RFFL: variants seen among roughly 807,000 people sequenced by gnomAD.
RFFL encodes E3 ubiquitin-protein ligase rififylin.
Under a neutral mutation model 40.4 loss-of-function variants are expected in RFFL, and 16 were observed. That is an observed-to-expected ratio of 0.40 (90% CI 0.27 to 0.60). RFFL has a LOEUF of 0.60. Among genes scored for constraint, RFFL ranks in the 20% least tolerant of loss-of-function variants. RFFL has a pLI of 0.47. For missense variants in RFFL, 367 were observed against 451.7 expected (o/e 0.81, Z 1.70); for synonymous variants, 154 against 167.9 (o/e 0.92, Z 0.64).
At chr17:35,058,597 C>T (rs1409176267) in intron 1 of RFFL, among the ~76,000 whole-genome samples, 1 of 151,970 alleles carries the variant, frequency 6.6e-6, no homozygotes, top group East Asian at 1.9e-4. Flanking sequence ...ATGGTGAAAC[C>T]CCGTATCTAC....
intron 1 of RFFL, among the ~76,000 whole-genome samples, chr17:35,031,730 CT>C (rs1017866474): frequency 1.1e-4 from 17 of 151,924 alleles, no homozygotes; most frequent in Admixed American, 6.6e-5. Context: ...GTAACTGGGA[CT>C]TTACCAGAAA....
chr17:35,085,287 T>C (rs1362244759), intron 1 of RFFL, among the ~76,000 whole-genome samples: 2 of 152,250 alleles, frequency 1.3e-5, no homozygotes, highest in African/African-American at 4.8e-5. Flanking sequence ...GGTTATCATT[T>C]ACTACCAGTC....
chr17:35,026,203 T>C (rs2091039450), intron 2 of RFFL, among the ~76,000 whole-genome samples, 171 bp downstream of exon 2: 2 of 152,274 alleles, frequency 1.3e-5, no homozygotes, highest in Admixed American at 1.3e-4. Context: ...CATGCTTTGC[T>C]TTTGCTTTTA....
intron 1 of RFFL, among the ~76,000 whole-genome samples, chr17:35,080,799 TA>T (rs1438380615): frequency 6.6e-6 from 1 of 152,200 alleles, no homozygotes; most frequent in East Asian, 1.9e-4. Context: ...GGATTTCCCC[TA>T]CTCTTAGAAC....
chr17:35,014,829 G>T, intron 5 of RFFL, 66 bp from the exon 6 acceptor site: 6 of 1,470,798 alleles, frequency 4.1e-6, no homozygotes, highest in Non-Finnish European at 5.7e-6. Context: ...GTCTCTTACT[G>T]CCCTGACATC....
chr17:35,079,095 A>C (rs983374671), intron 1 of RFFL, among the ~76,000 whole-genome samples: 8 of 152,220 alleles, frequency 5.3e-5, no homozygotes, highest in Non-Finnish European at 1.0e-4. Flanking sequence ...TCAGAACTCG[A>C]ATATGGTATA....
intron 6 of RFFL, among the ~76,000 whole-genome samples, chr17:35,013,125 T>C (rs555120447): frequency 6.6e-6 from 1 of 152,368 alleles, no homozygotes; most frequent in Non-Finnish European, 1.5e-5. Context: ...TTATTTTCAT[T>C]TTATAGATGA....
chr17:35,012,594 A>T (rs1282826599), intron 6 of RFFL, among the ~76,000 whole-genome samples: 1 of 152,216 alleles, frequency 6.6e-6, no homozygotes, highest in Non-Finnish European at 1.5e-5. Context: ...ACTGTGATGA[A>T]TGGTTCATTA....
chr17:35,041,542 C>T (rs1374270774), intron 1 of RFFL, among the ~76,000 whole-genome samples: 1 of 151,806 alleles, frequency 6.6e-6, no homozygotes, highest in African/African-American at 2.4e-5. Flanking sequence ...TTTTCTCACT[C>T]GTTAACTTCA....
chr17:35,032,398 G>C (rs2091090873), intron 1 of RFFL, among the ~76,000 whole-genome samples: 1 of 151,924 alleles, frequency 6.6e-6, no homozygotes, highest in African/African-American at 2.4e-5. Flanking sequence ...ATTTTAAAAA[G>C]GTGCAGATCT....
Position 35,012,117 on chromosome 17 carries a change from G to C in RFFL, c.943C>G (p.Leu315Val). The C allele has an allele frequency of 6.2e-7, 1 of 1,614,148 alleles. No homozygotes were observed. The highest frequency in any genetic ancestry group is 8.5e-7 in the Non-Finnish European group (1 of 1,180,032). ...GAVPSGLEEN[L>V]CKICMDSPID... Reference sequence around the variant, plus strand: ...GGTGAGTCCATGCAGATCTTACACAGGTTCTCCTCCAAGCCTGATGGTACT... The same window carrying C: ...GGTGAGTCCATGCAGATCTTACACACGTTCTCCTCCAAGCCTGATGGTACT... Residue 315 changes from leucine to valine, a missense_variant, in exon 7 of 7, where the codon CTG becomes GTG. Physicochemically the swap from Leu to Val is conservative, Grantham distance 32. Transcript: ENST00000394597.
At chr17:35,068,285 C>T (rs898341893), upstream of RFFL, among the ~76,000 whole-genome samples, 9 of 152,178 alleles carry the variant, frequency 5.9e-5, no homozygotes, top group Non-Finnish European at 1.0e-4. Flanking sequence ...GTCAACTTAT[C>T]GCCAGAGTAT....
chr17:35,066,197 C>CT (rs1334260149), upstream of RFFL, among the ~76,000 whole-genome samples: 2 of 152,096 alleles, frequency 1.3e-5, no homozygotes, highest in Non-Finnish European at 2.9e-5. Flanking sequence ...ACTATTTATG[C>CT]TTTTTTTAAT....
At chr17:35,046,665 C>G (rs1320993892) in intron 1 of RFFL, among the ~76,000 whole-genome samples, 2 of 152,188 alleles carry the variant, frequency 1.3e-5, no homozygotes, top group African/African-American at 2.4e-5. Flanking sequence ...ACATAATAAT[C>G]ACAAGTTATA....
intron 1 of RFFL, chr17:35,088,701 G>C (rs1180803871): frequency 6.6e-6 from 1 of 152,228 alleles, no homozygotes; most frequent in Non-Finnish European, 1.5e-5. Flanking sequence ...AGATAGGGAC[G>C]GGCTGGTTCC....
chr17:35,025,131 T>C (rs2091033486), intron 2 of RFFL: 1 of 152,226 alleles, frequency 6.6e-6, no homozygotes, highest in Admixed American at 6.5e-5. Flanking sequence ...CAATTCCTGA[T>C]ACACAGTAGA....
At chr17:35,060,481 G>C (rs2091284811) in intron 1 of RFFL, among the ~76,000 whole-genome samples, 1 of 152,128 alleles carries the variant, frequency 6.6e-6, no homozygotes, top group African/African-American at 2.4e-5. Flanking sequence ...ATGTATATAT[G>C]CTTTGGTATC....
chr17:35,054,913 C>T (rs1446618366), intron 1 of RFFL, among the ~76,000 whole-genome samples: 3 of 151,558 alleles, frequency 2.0e-5, no homozygotes, highest in East Asian at 3.9e-4. Flanking sequence ...AAACACCGAT[C>T]CAACAGCTTT....
At chr17:35,021,865 G>T in intron 2 of RFFL, 84 bp from the exon 3 acceptor site, 1 of 1,338,698 alleles carries the variant, frequency 7.5e-7, no homozygotes, top group Non-Finnish European at 1.1e-6. Context: ...GAGCTGCCAA[G>T]CCCAGCAGGA....
Sources: allele counts gnomAD v4.1 joint callset (sites outside exome capture counted in the v4.1 genomes callset), GRCh38; gene constraint gnomAD v4.1.1; transcripts MANE v1.5; gene names NCBI Gene and HGNC (gene_info 2026-07-23, HGNC 2026-07-21).